INPP5B: variants seen among roughly 807,000 people sequenced by gnomAD.
INPP5B encodes the protein type II inositol 1,4,5-trisphosphate 5-phosphatase.
A neutral mutation model predicts 118.5 loss-of-function variants in INPP5B; 90 were observed. The observed-to-expected ratio is 0.76, with a 90% CI of 0.64 to 0.90. The LOEUF (loss-of-function observed/expected upper bound fraction) is 0.90, where lower values mean the gene tolerates loss of function less well. Among genes scored for constraint, INPP5B ranks in the 40% least tolerant of loss-of-function variants. INPP5B has a pLI of 0.00. For missense variants in INPP5B, 984 were observed against 1,125.6 expected (o/e 0.87, Z 1.80); for synonymous variants, 385 against 418.9 (o/e 0.92, Z 0.99).
intron 9 of INPP5B, 79 bp downstream of exon 9, chr1:37,889,478 G>T: frequency 9.2e-7 from 1 of 1,082,570 alleles, no homozygotes; most frequent in Non-Finnish European, 1.4e-6. Context: ...CCAAATCCAG[G>T]TATAGGAGGA....
At chr1:37,866,841 A>G (rs1642078134) in intron 20 of INPP5B, among the ~76,000 whole-genome samples, 1 of 152,234 alleles carries the variant, frequency 6.6e-6, no homozygotes, top group African/African-American at 2.4e-5. Flanking sequence ...CTGCAGTGGT[A>G]TAGAGGGATT....
chr1:37,924,761 G>A (rs924812375), intron 7 of INPP5B, among the ~76,000 whole-genome samples: 4 of 152,096 alleles, frequency 2.6e-5, no homozygotes, highest in African/African-American at 7.2e-5. Context: ...AAGAGGCTGC[G>A]CATGGTGGCT....
intron 13 of INPP5B, among the ~76,000 whole-genome samples, chr1:37,884,694 G>A (rs958882882): frequency 6.6e-6 from 1 of 152,184 alleles, no homozygotes; most frequent in East Asian, 1.9e-4. Flanking sequence ...GCTCATGCCT[G>A]TAATCCCAGC....
chr1:37,946,403 G>A, intron 1 of INPP5B, 69 bp from the exon 2 acceptor site: 1 of 1,177,906 alleles, frequency 8.5e-7, no homozygotes, highest in African/African-American at 1.5e-5. Flanking sequence ...AGCTGCCTCA[G>A]AGGGGTTGGG....
intron 19 of INPP5B, 55 bp downstream of exon 19, chr1:37,872,875 T>G: frequency 7.4e-7 from 1 of 1,359,004 alleles, no homozygotes; most frequent in Admixed American, 1.9e-5. Flanking sequence ...ATATCTTGTT[T>G]GACTGGCTTG....
intron 23 of INPP5B, 44 bp downstream of exon 23, chr1:37,864,268 T>C: frequency 9.3e-7 from 1 of 1,081,054 alleles, no homozygotes; most frequent in Non-Finnish European, 1.4e-6. Flanking sequence ...ATTACGAGTC[T>C]CTCAGTTTGC....
intron 7 of INPP5B, among the ~76,000 whole-genome samples, chr1:37,906,014 T>C (rs1171192113): frequency 2.0e-5 from 3 of 152,378 alleles, no homozygotes; most frequent in Admixed American, 1.3e-4. Flanking sequence ...TTGTGAGTAT[T>C]CTCAACTTAT....
intron 7 of INPP5B, 24 bp from the exon 8 acceptor site, chr1:37,891,478 A>C: frequency 6.6e-7 from 1 of 1,513,604 alleles, no homozygotes. Flanking sequence ...GAAGAAATTA[A>C]AATATACATA....
intron 8 of INPP5B, among the ~76,000 whole-genome samples, chr1:37,890,350 AAG>A (rs1215872671): frequency 6.6e-5 from 10 of 151,296 alleles, no homozygotes; most frequent in Admixed American, 1.3e-4. Flanking sequence ...TCTGTCTCAA[AAG>A]AAAAAAAAAG....
intron 7 of INPP5B, among the ~76,000 whole-genome samples, chr1:37,901,627 C>T (rs1261690407): frequency 6.6e-6 from 1 of 152,112 alleles, no homozygotes; most frequent in Non-Finnish European, 1.5e-5. Context: ...CACAGGGGGT[C>T]TCTCAGGACA....
chr1:37,867,516 T>C (rs900405366), intron 20 of INPP5B, among the ~76,000 whole-genome samples: 3 of 152,156 alleles, frequency 2.0e-5, no homozygotes, highest in Non-Finnish European at 2.9e-5. Context: ...GGCATCTGTT[T>C]CCTCATCTGA....
At chr1:37,887,605 C>A in intron 10 of INPP5B, 140 bp from the exon 11 acceptor site, 1 of 572,596 alleles carries the variant, frequency 1.7e-6, no homozygotes, top group Non-Finnish European at 3.2e-6. Flanking sequence ...ACATTTAGAG[C>A]CAAGGAACTA....
intron 17 of INPP5B, among the ~76,000 whole-genome samples, chr1:37,874,812 CAAAA>C (rs1452808860): frequency 1.3e-5 from 2 of 152,020 alleles, no homozygotes; most frequent in African/African-American, 4.8e-5. Context: ...ACAAACCAAA[CAAAA>C]AACGCCTTCA....
chr1:37,931,744 C>T (rs1268585301), intron 7 of INPP5B, 169 bp downstream of exon 7: 3 of 1,596,540 alleles, frequency 1.9e-6, no homozygotes, highest in African/African-American at 2.7e-5. Flanking sequence ...CTCCTCATCC[C>T]GCCGCCCGTC....
intron 7 of INPP5B, among the ~76,000 whole-genome samples, chr1:37,896,359 G>A (rs1570160451): frequency 6.6e-6 from 1 of 150,508 alleles, no homozygotes; most frequent in African/African-American, 2.4e-5. Flanking sequence ...CCGCCCGGCA[G>A]CCGCCCCGTC....
intron 7 of INPP5B, among the ~76,000 whole-genome samples, chr1:37,904,059 G>A (rs1644422169): frequency 6.6e-6 from 1 of 152,074 alleles, no homozygotes; most frequent in South Asian, 2.1e-4. Context: ...AGGCATGGTG[G>A]CTCATGCCTG....
At position 37,873,170 on chromosome 1, in the gene INPP5B, A is replaced by C. The variant is rs1196593509; in HGVS notation, c.1952-5T>G. The C allele has an allele frequency of 5.0e-6, 8 of 1,604,292 alleles. No homozygotes were observed. The highest frequency in any genetic ancestry group is 6.8e-6 in the Non-Finnish European group (8 of 1,171,016). ...AGTCAATCTCAACATCAGAATCTGC[A>C]GAGAAATTTTAAAAATAATGTTGGC... On this transcript the variant is annotated splice_polypyrimidine_tract_variant and splice_region_variant and intron_variant, in intron 18 of 23. Transcript: ENST00000373024.
At chr1:37,894,518 C>T (rs1015003569) in intron 7 of INPP5B, among the ~76,000 whole-genome samples, 10 of 151,854 alleles carry the variant, frequency 6.6e-5, no homozygotes, top group African/African-American at 2.4e-4. Flanking sequence ...ATATTAAATG[C>T]GCAATGAACC....
Position 37,888,325 on chromosome 1 carries a change from T to C in INPP5B, c.817A>G (p.Asn273Asp). The change falls in exon 10 of 24, where the codon AAT becomes GAT. Residue 273 changes from asparagine to aspartate, a missense_variant. Coordinates refer to ENST00000373024, the MANE Select transcript of INPP5B (RefSeq NM_005540.3). ...TCTTTGGGGGACTGCCCATTTACAT[T>C]GTATGTTCCCGCAAAAAACCTGTCA... ...QNFRFFAGTYNVNGQSPKECL... is the reference protein window; with the variant it reads ...QNFRFFAGTYDVNGQSPKECL... 1.3e-6 allele frequency: 2 copies of C among 1,551,636 alleles called. No homozygotes were observed. The highest frequency in any genetic ancestry group is 1.7e-6 in the Non-Finnish European group (2 of 1,150,284).
Sources: allele counts gnomAD v4.1 joint callset (sites outside exome capture counted in the v4.1 genomes callset), GRCh38; gene constraint gnomAD v4.1.1; transcripts MANE v1.5; gene names NCBI Gene and HGNC (gene_info 2026-07-23, HGNC 2026-07-21).